The following PTBP2 variants were observed in gnomAD, a reference collection of about 807,000 sequenced individuals.
PTBP2 encodes polypyrimidine tract-binding protein 2.
PTBP2 carries 13 observed loss-of-function variants against 61.4 expected under a neutral mutation model. The ratio of observed to expected loss-of-function variants is 0.21; its 90% confidence interval spans 0.14 to 0.34. PTBP2 has a LOEUF of 0.34. Ranked by LOEUF, PTBP2 falls within the 10% of genes least tolerant of loss-of-function variation. The pLI is 1.00. For synonymous variants in PTBP2, 215 were observed against 218.5 expected (o/e 0.98, Z 0.14); for missense variants, 405 against 642.6 (o/e 0.63, Z 4.00).
intron 5 of PTBP2, among the ~76,000 whole-genome samples, chr1:96,772,207 G>A (rs997411415): frequency 6.6e-6 from 1 of 152,074 alleles, no homozygotes; most frequent in African/African-American, 2.4e-5. Flanking sequence ...TCATTAATTT[G>A]CTAGAGCAGC....
chr1:96,768,001 G>A (rs1017820210), intron 3 of PTBP2, among the ~76,000 whole-genome samples: 5 of 152,170 alleles, frequency 3.3e-5, no homozygotes, highest in African/African-American at 1.2e-4. Context: ...ATAAACCTAA[G>A]TGAAACTCCT....
intron 3 of PTBP2, among the ~76,000 whole-genome samples, chr1:96,756,735 A>G (rs982003125): frequency 6.6e-6 from 1 of 152,196 alleles, no homozygotes; most frequent in Non-Finnish European, 1.5e-5. Context: ...GGAAAAAGCA[A>G]AATTATGGAG....
At chr1:96,729,117 G>T (rs145306223) in intron 2 of PTBP2, among the ~76,000 whole-genome samples, 110 of 152,144 alleles carry the variant, frequency 7.2e-4, no homozygotes, top group African/African-American at 2.5e-3. Flanking sequence ...GCACCTCCTG[G>T]GTCAAGCAAT....
In PTBP2 at chr1:96,789,691, A is replaced by G. The variant is rs191986755; in HGVS notation, c.904+4437A>G. Among the ~76,000 whole-genome samples, 465 of 152,162 alleles carry G rather than the reference A, an allele frequency of 3.1e-3. 1 individual carries two copies. Among genetic ancestry groups the G allele is most frequent in the Middle Eastern group, 6.8e-3 (2 of 294 alleles). On this transcript the variant is annotated intron_variant, in intron 8 of 13. Coordinates refer to ENST00000674951, the MANE Select transcript of PTBP2 (RefSeq NM_021190.4). The stretch of plus-strand genomic sequence containing the variant: ...GTTATTCATTTGGTAATATTTATTA[A>G]TTTATTATTAGAGATTTCAGCTATT...
exon 14 of PTBP2, chr1:96,820,078 TAA>T (rs538087029): frequency 2.0e-4 from 31 of 152,094 alleles, no homozygotes; most frequent in South Asian, 1.7e-3. Flanking sequence ...GACATTGACA[TAA>T]GAGACATTTA....
chr1:96,811,564 G>T (rs972449774), intron 11 of PTBP2, among the ~76,000 whole-genome samples: 19 of 151,980 alleles, frequency 1.3e-4, no homozygotes, highest in African/African-American at 4.4e-4. Context: ...CCACAGGCAC[G>T]AGCCACCACG....
chr1:96,816,604 A>G (rs1314708494), downstream of PTBP2: 1 of 152,168 alleles, frequency 6.6e-6, no homozygotes, highest in Non-Finnish European at 1.5e-5. Flanking sequence ...GTAATGAATC[A>G]TTATATTAGA....
At position 96,721,805 on chromosome 1, in the gene PTBP2, T is replaced by G. The variant is rs1044137183; in HGVS notation, c.-60T>G. On this transcript the variant is annotated 5_prime_UTR_variant, in exon 1 of 14. Transcript: ENST00000674951. ...CCCCAGCCGCCATTTTCTCGCCGCT[T>G]GTGTGGCTCGCTGGCTGCGTGGCTC... 5 of 1,548,266 alleles carry G rather than the reference T, an allele frequency of 3.2e-6. No homozygotes were observed. Among genetic ancestry groups the G allele is most frequent in the Non-Finnish European group, 4.4e-6 (5 of 1,144,452 alleles).
intron 3 of PTBP2, among the ~76,000 whole-genome samples, chr1:96,761,747 TTTTTA>T: frequency 6.6e-6 from 1 of 152,254 alleles, no homozygotes; most frequent in South Asian, 2.1e-4. Context: ...TGTTTTTTGT[TTTTTA>T]TTTTTTATTG....
downstream of PTBP2, chr1:96,819,817 T>C (rs541468870): frequency 6.6e-6 from 1 of 151,892 alleles, no homozygotes; most frequent in South Asian, 2.1e-4. Context: ...CATGTATTTA[T>C]TACTGGTATA....
At chr1:96,768,073 C>G (rs1161360959) in intron 3 of PTBP2, among the ~76,000 whole-genome samples, 5 of 152,112 alleles carry the variant, frequency 3.3e-5, no homozygotes, top group Non-Finnish European at 5.9e-5. Flanking sequence ...GATACCTTCT[C>G]TGATCATCCA....
chr1:96,777,811 T>C (rs1328853704), intron 6 of PTBP2, 25 bp from the exon 7 acceptor site: 1 of 1,536,460 alleles, frequency 6.5e-7, no homozygotes, highest in African/African-American at 1.4e-5. Flanking sequence ...AAATAAGTAA[T>C]GTTTTGATTT....
At chr1:96,733,165 A>C (rs752239517) in intron 2 of PTBP2, among the ~76,000 whole-genome samples, 1 of 151,914 alleles carries the variant, frequency 6.6e-6, no homozygotes, top group Non-Finnish European at 1.5e-5. Context: ...TCTGGGGGGA[A>C]TTTGTTTCCT....
chr1:96,748,845 T>TA (rs369196044), intron 2 of PTBP2, among the ~76,000 whole-genome samples: 5 of 152,210 alleles, frequency 3.3e-5, no homozygotes, highest in African/African-American at 1.2e-4. Context: ...GTTAATGTGG[T>TA]AATGTTAACA....
intron 5 of PTBP2, among the ~76,000 whole-genome samples, chr1:96,774,765 C>T (rs990636887): frequency 6.6e-6 from 1 of 152,148 alleles, no homozygotes; most frequent in Non-Finnish European, 1.5e-5. Context: ...TTCTCAAATG[C>T]ACATATCTAA....
Position 96,777,912 on chromosome 1 carries a change from A to T in PTBP2, c.674A>T (p.Tyr225Phe). The stretch of plus-strand genomic sequence containing the variant: ...AACCAGTTTCAAGCTTTGCTCCAGT[A>T]TGGTGATCCAGTAAATGCTCAACAA... ...KNNQFQALLQ[Y>F]GDPVNAQQAK... The change falls in exon 7 of 14, where the codon TAT becomes TTT. Residue 225 changes from tyrosine to phenylalanine, a missense_variant. This residue lies in a region of PTBP2 where 342 missense variants were observed against 491.2 expected (regional missense o/e 0.70). Transcript: ENST00000674951. 2 of 1,586,576 alleles carry T rather than the reference A, an allele frequency of 1.3e-6. No homozygotes were observed. The highest frequency in any genetic ancestry group is 1.7e-6 in the Non-Finnish European group (2 of 1,165,440).
intron 3 of PTBP2, among the ~76,000 whole-genome samples, chr1:96,763,173 G>T (rs183757531): frequency 0.017 from 2,597 of 152,250 alleles, 33 homozygotes; most frequent in Non-Finnish European, 0.026. Flanking sequence ...TCCCAAACGG[G>T]GTGGCGGCTG....
chr1:96,782,205 GTC>G (rs1658756085), intron 7 of PTBP2, among the ~76,000 whole-genome samples: 1 of 151,818 alleles, frequency 6.6e-6, no homozygotes, highest in South Asian at 2.1e-4. Flanking sequence ...AGTATATTGT[GTC>G]TTCTGGAAGT....
exon 14 of PTBP2, chr1:96,822,125 A>T (rs952571542): frequency 6.6e-6 from 1 of 152,210 alleles, no homozygotes; most frequent in African/African-American, 2.4e-5. Flanking sequence ...ATTTCTTCCT[A>T]TCATGGGGCT....
Sources: allele counts gnomAD v4.1 joint callset (sites outside exome capture counted in the v4.1 genomes callset), GRCh38; gene constraint gnomAD v4.1.1; regional missense constraint gnomAD v4.1.1; transcripts MANE v1.5; gene names NCBI Gene and HGNC (gene_info 2026-07-23, HGNC 2026-07-21).